Variants in NMNAT3 observed in about 807,000 individuals in gnomAD.
The protein encoded by NMNAT3 is nicotinamide/nicotinic acid mononucleotide adenylyltransferase 3.
NMNAT3 carries 21 observed loss-of-function variants against 24.8 expected under a neutral mutation model. The observed-to-expected ratio is 0.85, with a 90% CI of 0.60 to 1.22. The LOEUF (loss-of-function observed/expected upper bound fraction) is 1.22. Among genes scored for constraint, NMNAT3 ranks in the 50% most tolerant of loss-of-function variants. NMNAT3 has a pLI of 0.00. For missense variants in NMNAT3, 387 were observed against 436.6 expected, an observed-to-expected ratio of 0.89 and a Z score of 1.01; for synonymous variants, 136 against 155.2, an observed-to-expected ratio of 0.88 and a Z score of 0.92.
chr3:139,588,588 A>T (rs190350052), intron 3 of NMNAT3, among the ~76,000 whole-genome samples: 31 of 152,240 alleles, frequency 2.0e-4, no homozygotes, highest in African/African-American at 7.0e-4. Context: ...GCAGAGGCCC[A>T]GAGTGGCTCA....
At chr3:139,669,792 G>A (rs781660972) in intron 1 of NMNAT3, among the ~76,000 whole-genome samples, 1 of 152,036 alleles carries the variant, frequency 6.6e-6, no homozygotes, top group Non-Finnish European at 1.5e-5. Flanking sequence ...TACAAATAAA[G>A]TTAAATATTT....
chr3:139,606,925 T>A (rs2054972977), intron 3 of NMNAT3, among the ~76,000 whole-genome samples: 2 of 152,238 alleles, frequency 1.3e-5, no homozygotes, highest in South Asian at 4.1e-4. Context: ...CATTCTCCCA[T>A]CATTTAAGCA....
At chr3:139,588,733 T>C in intron 3 of NMNAT3, among the ~76,000 whole-genome samples, 1 of 152,220 alleles carries the variant, frequency 6.6e-6, no homozygotes, top group East Asian at 1.9e-4. Context: ...CCTCCCATTG[T>C]GGCAGAAGGG....
At chr3:139,595,778 A>T (rs1311655544) in intron 3 of NMNAT3, among the ~76,000 whole-genome samples, 1 of 152,222 alleles carries the variant, frequency 6.6e-6, no homozygotes, top group African/African-American at 2.4e-5. Flanking sequence ...CTGAAACTGG[A>T]TCCCTTCCTT....
intron 3 of NMNAT3, among the ~76,000 whole-genome samples, chr3:139,614,479 C>T (rs2055388841): frequency 6.6e-6 from 1 of 152,206 alleles, no homozygotes; most frequent in Non-Finnish European, 1.5e-5. Flanking sequence ...GGCCCACAGA[C>T]CTGGGTTCTC....
Position 139,565,131 on chromosome 3 carries a change from G to A in NMNAT3, c.659-3739C>T, listed in dbSNP as rs145622958. Among the ~76,000 whole-genome samples, 1,181 of 152,158 alleles carry A rather than the reference G, an allele frequency of 7.8e-3. 22 individuals carry two copies. Among genetic ancestry groups the A allele is most frequent in the African/African-American group, 0.027 (1,108 of 41,542 alleles). ...GTAGTTTCTTTATGCTATGTATACA[G>A]TATAATTTAGGTATACTTTCCTTTA... is the stretch of plus-strand genomic sequence containing the variant. On this transcript the variant is annotated intron_variant, in intron 6 of 6. Coordinates refer to ENST00000643695, the MANE Select transcript of NMNAT3 (RefSeq NM_001320510.2).
At chr3:139,594,448 C>T (rs1257633753) in intron 3 of NMNAT3, among the ~76,000 whole-genome samples, 1 of 152,182 alleles carries the variant, frequency 6.6e-6, no homozygotes, top group Non-Finnish European at 1.5e-5. Flanking sequence ...GGGAATCCTC[C>T]CTAACTCAGT....
intron 1 of NMNAT3, among the ~76,000 whole-genome samples, chr3:139,675,229 C>G (rs1197661004): frequency 6.6e-6 from 1 of 151,600 alleles, no homozygotes; most frequent in Non-Finnish European, 1.5e-5. Flanking sequence ...ATTACTGATT[C>G]ATGCCTTTTT....
chr3:139,590,035 A>C (rs1001330560), intron 3 of NMNAT3, among the ~76,000 whole-genome samples: 1 of 152,200 alleles, frequency 6.6e-6, no homozygotes, highest in Non-Finnish European at 1.5e-5. Flanking sequence ...CCAGGATGAC[A>C]GTATAGTGGG....
At chr3:139,580,707 T>G (rs979702829) in intron 4 of NMNAT3, among the ~76,000 whole-genome samples, 8 of 152,196 alleles carry the variant, frequency 5.3e-5, no homozygotes, top group Non-Finnish European at 1.0e-4. Context: ...TGATTATAAT[T>G]CAGAATTTCA....
intron 3 of NMNAT3, among the ~76,000 whole-genome samples, chr3:139,613,904 G>T (rs1319482804): frequency 1.3e-5 from 2 of 151,708 alleles, no homozygotes; most frequent in Non-Finnish European, 2.9e-5. Flanking sequence ...CCAAACACCC[G>T]CATGTTCTCA....
At chr3:139,566,121 A>G (rs1372949611) in intron 6 of NMNAT3, 1 of 152,132 alleles carries the variant, frequency 6.6e-6, no homozygotes, top group Middle Eastern at 3.2e-3. Context: ...AGTGATGATG[A>G]GCATTTTTTC....
In NMNAT3 at chr3:139,560,811, T is replaced by C. The variant is rs1361290856; in HGVS notation, c.*199A>G. ...TTTTAACTTCTTTGATAAATGTCTATCCTTGTGATTTAGACCTTTCCTCTC... is the reference window on the plus strand; with the variant it reads ...TTTTAACTTCTTTGATAAATGTCTACCCTTGTGATTTAGACCTTTCCTCTC... On this transcript the variant is annotated 3_prime_UTR_variant, in exon 7 of 7. Transcript: ENST00000643695. 1.9e-5 allele frequency: 11 copies of C among 581,524 alleles called. No homozygotes were observed. Among genetic ancestry groups the C allele is most frequent in the East Asian group, 2.8e-5 (1 of 35,314 alleles). The allele number at this position is 581,524 out of a possible 1,614,324, so 36.0% of individuals were successfully genotyped here.
intron 1 of NMNAT3, among the ~76,000 whole-genome samples, chr3:139,638,579 C>T (rs1421370034): frequency 6.6e-6 from 1 of 152,218 alleles, no homozygotes; most frequent in East Asian, 1.9e-4. Flanking sequence ...CATCTCCGTC[C>T]CTTGACTTGA....
At position 139,613,685 on chromosome 3, in the gene NMNAT3, C is replaced by T. The variant is rs571743543; in HGVS notation, c.109+13931G>A. Among the ~76,000 whole-genome samples the T allele has an allele frequency of 7.7e-4, 117 of 152,100 alleles. 1 individual carries two copies. Among genetic ancestry groups the T allele is most frequent in the South Asian group, 1.7e-3 (8 of 4,806 alleles). ...ATGCTGCTATAAAGACACATGCACA[C>T]GTATGTTTATTGCGGCACTATTCAC... is the stretch of plus-strand genomic sequence containing the variant. On this transcript the variant is annotated intron_variant, in intron 3 of 6. Coordinates refer to ENST00000643695, the MANE Select transcript of NMNAT3 (RefSeq NM_001320510.2).
chr3:139,649,939 G>A (rs2057001210), intron 1 of NMNAT3, among the ~76,000 whole-genome samples: 1 of 152,220 alleles, frequency 6.6e-6, no homozygotes, highest in African/African-American at 2.4e-5. Flanking sequence ...TAGGGGCCAT[G>A]AAGAGATGAA....
intron 1 of NMNAT3, among the ~76,000 whole-genome samples, chr3:139,670,326 G>C (rs1350735293): frequency 6.6e-6 from 1 of 152,212 alleles, no homozygotes; most frequent in African/African-American, 2.4e-5. Context: ...ATGACTGACA[G>C]AAATGGTATG....
At chr3:139,674,322 G>A (rs1377359036) in intron 1 of NMNAT3, among the ~76,000 whole-genome samples, 1 of 152,206 alleles carries the variant, frequency 6.6e-6, no homozygotes, top group Non-Finnish European at 1.5e-5. Context: ...AATGATGAAG[G>A]AATCATGAGT....
chr3:139,645,381 A>C (rs1228830062), intron 1 of NMNAT3, among the ~76,000 whole-genome samples: 1 of 152,198 alleles, frequency 6.6e-6, no homozygotes, highest in Non-Finnish European at 1.5e-5. Context: ...ATAATGCCTT[A>C]GACAAAACAG....
Sources: allele counts gnomAD v4.1 joint callset (sites outside exome capture counted in the v4.1 genomes callset), GRCh38; gene constraint gnomAD v4.1.1; transcripts MANE v1.5; gene names NCBI Gene and HGNC (gene_info 2026-07-23, HGNC 2026-07-21).